Variants in MPPED1 observed in about 807,000 individuals in gnomAD.
The protein encoded by MPPED1 is metallophosphoesterase domain containing 1, also known as metallophosphoesterase domain-containing protein 1.
MPPED1 carries 16 observed loss-of-function variants against 36.2 expected under a neutral mutation model. That is an observed-to-expected ratio of 0.44 (90% CI 0.30 to 0.67). The LOEUF is 0.67. Among genes scored for constraint, MPPED1 ranks in the 30% least tolerant of loss-of-function variants. The pLI, the probability that MPPED1 is intolerant of heterozygous loss-of-function variation, is 0.10. For missense variants in MPPED1, 307 were observed against 453.4 expected (o/e 0.68, Z 2.93); for synonymous variants, 199 against 191.3 (o/e 1.04, Z -0.33).
intron 4 of MPPED1, among the ~76,000 whole-genome samples, chr22:43,496,578 T>A (rs1249157981): frequency 5.0e-5 from 1 of 19,872 alleles, no homozygotes; most frequent in Non-Finnish European, 7.7e-5. Context: ...GAGATGGTGG[T>A]GGTGGTGGTG....
chr22:43,422,880 A>G (rs1929323933), intron 1 of MPPED1, among the ~76,000 whole-genome samples: 1 of 152,164 alleles, frequency 6.6e-6, no homozygotes, highest in African/African-American at 2.4e-5. Flanking sequence ...TAGAGTCTCA[A>G]GGCTGGAGTG....
chr22:43,427,408 G>A (rs921049708), intron 2 of MPPED1, among the ~76,000 whole-genome samples: 2 of 152,050 alleles, frequency 1.3e-5, no homozygotes, highest in Non-Finnish European at 2.9e-5. Context: ...CAGAAGGGGC[G>A]GCAGGTCGGA....
At chr22:43,432,644 G>GA (rs1929767916) in intron 2 of MPPED1, among the ~76,000 whole-genome samples, 1 of 516 alleles carries the variant, frequency 1.9e-3, no homozygotes, top group Non-Finnish European at 3.8e-3. Context: ...AGAGAGAGAG[G>GA]GAAAGAGAAA....
chr22:43,493,379 G>A (rs527841872), intron 4 of MPPED1, among the ~76,000 whole-genome samples: 1 of 152,346 alleles, frequency 6.6e-6, no homozygotes, highest in East Asian at 1.9e-4. Flanking sequence ...GTCACCCCAC[G>A]GAACAGTGCA....
intron 3 of MPPED1, among the ~76,000 whole-genome samples, chr22:43,463,601 A>G (rs1435928487): frequency 6.6e-6 from 1 of 152,106 alleles, no homozygotes; most frequent in African/African-American, 2.4e-5. Context: ...GTCAAATTAA[A>G]AAATATCCTG....
At chr22:43,427,752 A>G (rs1239992609) in intron 2 of MPPED1, among the ~76,000 whole-genome samples, 1 of 151,984 alleles carries the variant, frequency 6.6e-6, no homozygotes. Flanking sequence ...GCCAACCTGG[A>G]GCTGGCTACT....
At chr22:43,488,091 G>T (rs905319232) in intron 4 of MPPED1, among the ~76,000 whole-genome samples, 4 of 152,078 alleles carry the variant, frequency 2.6e-5, no homozygotes, top group Non-Finnish European at 2.9e-5. Flanking sequence ...TGCCTCTCTT[G>T]GGGGGGTGTG....
intron 3 of MPPED1, among the ~76,000 whole-genome samples, chr22:43,437,682 G>A (rs1930008904): frequency 6.6e-6 from 1 of 152,210 alleles, no homozygotes; most frequent in African/African-American, 2.4e-5. Flanking sequence ...TTTAAAAGGG[G>A]GCGGTTAGGC....
chr22:43,438,516 G>A (rs1199924686), intron 3 of MPPED1, among the ~76,000 whole-genome samples: 2 of 152,082 alleles, frequency 1.3e-5, no homozygotes, highest in African/African-American at 2.4e-5. Context: ...GAAGGTTTTT[G>A]TATGGGGATG....
At chr22:43,485,213 T>C (rs1023252331) in intron 4 of MPPED1, among the ~76,000 whole-genome samples, 1 of 151,672 alleles carries the variant, frequency 6.6e-6, no homozygotes, top group African/African-American at 2.4e-5. Context: ...TACACACACA[T>C]TCATACTCAT....
Position 43,435,221 on chromosome 22 carries a change from T to A in MPPED1, c.406+6T>A. On this transcript the variant is annotated splice_donor_region_variant and intron_variant, in intron 3 of 6. Transcript: ENST00000443721. ...GAAGTTCAACGAGTGGCTGGGTAGG[T>A]CCCTCCTGCCCCGGGCGGGCGGCTG... The A allele has an allele frequency of 6.2e-7, 1 of 1,603,548 alleles. No homozygotes were observed. Among genetic ancestry groups the A allele is most frequent in the Non-Finnish European group, 8.5e-7 (1 of 1,179,182 alleles).
At position 43,465,952 on chromosome 22, in the gene MPPED1, C is replaced by T. The variant is rs181002858; in HGVS notation, c.407-8784C>T. Among the ~76,000 whole-genome samples the T allele has an allele frequency of 5.2e-3, 799 of 152,232 alleles. 8 individuals are homozygous for T. Among genetic ancestry groups the T allele is most frequent in the African/African-American group, 0.019 (779 of 41,536 alleles). On this transcript the variant is annotated intron_variant, in intron 3 of 6. Transcript: ENST00000443721. ...TGGGCACGTGTGTCCTTCCGGACTG[C>T]GACTTCTGAGGAGGTTCCCACAAAG...
intron 4 of MPPED1, among the ~76,000 whole-genome samples, chr22:43,490,874 C>T (rs146339980): frequency 0.029 from 4,393 of 152,214 alleles, 114 homozygotes; most frequent in Admixed American, 0.064. Context: ...TGTCTGGGAC[C>T]GCGGCATCAG....
At chr22:43,428,540 G>T (rs1222753782) in intron 2 of MPPED1, among the ~76,000 whole-genome samples, 42 of 152,166 alleles carry the variant, frequency 2.8e-4, no homozygotes, top group Admixed American at 2.7e-3. Context: ...AGGAGCGGTG[G>T]GGGGATGGCT....
At chr22:43,438,253 G>A (rs1049516422) in intron 3 of MPPED1, among the ~76,000 whole-genome samples, 15 of 152,310 alleles carry the variant, frequency 9.8e-5, no homozygotes, top group Admixed American at 7.8e-4. Context: ...GGGTGGGCAC[G>A]GAAGGCCTCC....
intron 3 of MPPED1, among the ~76,000 whole-genome samples, chr22:43,459,963 C>G (rs1472114575): frequency 6.6e-6 from 1 of 152,102 alleles, no homozygotes; most frequent in Non-Finnish European, 1.5e-5. Flanking sequence ...AATCCCAGCA[C>G]TTTGGGAGGC....
intron 4 of MPPED1, among the ~76,000 whole-genome samples, chr22:43,494,952 A>G (rs908787425): frequency 2.0e-5 from 3 of 152,144 alleles, no homozygotes; most frequent in Admixed American, 6.5e-5. Context: ...GCCTCTCCTT[A>G]TAAGGGCACT....
chr22:43,480,551 T>G (rs1003601314), intron 4 of MPPED1, among the ~76,000 whole-genome samples: 1 of 152,194 alleles, frequency 6.6e-6, no homozygotes, highest in African/African-American at 2.4e-5. Flanking sequence ...ATAATTGGAT[T>G]GTTTGTCTTT....
At chr22:43,498,435 T>C (rs1932502310) in intron 5 of MPPED1, 85 bp downstream of exon 5, 11 of 1,089,598 alleles carry the variant, frequency 1.0e-5, no homozygotes, top group Middle Eastern at 2.1e-4. Context: ...TGGGCCTGTA[T>C]AGGGGAGCCC....
Sources: allele counts gnomAD v4.1 joint callset (sites outside exome capture counted in the v4.1 genomes callset), GRCh38; gene constraint gnomAD v4.1.1; transcripts MANE v1.5; gene names NCBI Gene and HGNC (gene_info 2026-07-23, HGNC 2026-07-21).